Variants in NRXN1 observed in about 807,000 individuals in gnomAD.
NRXN1 encodes the protein neurexin-1.
Under a neutral mutation model 150.9 loss-of-function variants are expected in NRXN1, and 39 were observed. The ratio of observed to expected loss-of-function variants is 0.26; its 90% CI spans 0.20 to 0.34. The LOEUF is 0.34. Ranked by LOEUF, NRXN1 falls within the 10% of genes least tolerant of loss-of-function variation. The pLI is 1.00. For synonymous variants in NRXN1, 924 were observed against 757.0 expected, an observed-to-expected ratio of 1.22 and a Z score of -3.62; for missense variants, 1,815 against 1,949.9, an observed-to-expected ratio of 0.93 and a Z score of 1.30.
intron 21 of NRXN1, among the ~76,000 whole-genome samples, chr2:49,969,115 C>A (rs1362007340): frequency 6.6e-6 from 1 of 152,030 alleles, no homozygotes; most frequent in Non-Finnish European, 1.5e-5. Context: ...TAGCTTATCC[C>A]CGGCCAAATT....
intron 18 of NRXN1, among the ~76,000 whole-genome samples, chr2:50,176,936 A>G (rs1023193931): frequency 4.6e-5 from 7 of 152,152 alleles, no homozygotes; most frequent in African/African-American, 1.7e-4. Flanking sequence ...CCACACATAA[A>G]AAGAAAGGGA....
At chr2:50,549,565 T>C (rs1172281874) in intron 9 of NRXN1, among the ~76,000 whole-genome samples, 1 of 152,190 alleles carries the variant, frequency 6.6e-6, no homozygotes, top group East Asian at 1.9e-4. Flanking sequence ...TTATTTTCTT[T>C]CTTAGATGCA....
At chr2:50,810,927 C>T (rs1668131403) in intron 5 of NRXN1, among the ~76,000 whole-genome samples, 1 of 151,730 alleles carries the variant, frequency 6.6e-6, no homozygotes, top group Admixed American at 6.6e-5. Flanking sequence ...TTGCAGTGAG[C>T]TGAGATCACA....
At chr2:50,752,715 A>C (rs1380025506) in intron 5 of NRXN1, among the ~76,000 whole-genome samples, 1 of 151,872 alleles carries the variant, frequency 6.6e-6, no homozygotes, top group Admixed American at 6.6e-5. Context: ...TGAAAAAAAA[A>C]AAAATGTCAG....
At chr2:50,378,545 C>T (rs2080699477) in intron 17 of NRXN1, among the ~76,000 whole-genome samples, 1 of 152,104 alleles carries the variant, frequency 6.6e-6, no homozygotes, top group Non-Finnish European at 1.5e-5. Flanking sequence ...TGCTGTCCAG[C>T]ATCTTGAGAG....
At chr2:50,836,851 A>C (rs189645616) in intron 5 of NRXN1, among the ~76,000 whole-genome samples, 40 of 151,976 alleles carry the variant, frequency 2.6e-4, no homozygotes, top group African/African-American at 8.4e-4. Flanking sequence ...AAAAAAAAAA[A>C]AAAAACAGAA....
chr2:50,541,433 G>A (rs2093386567), intron 9 of NRXN1, among the ~76,000 whole-genome samples: 1 of 152,070 alleles, frequency 6.6e-6, no homozygotes, highest in South Asian at 2.1e-4. Context: ...GCTGCCAGGT[G>A]GTTTAGACAA....
At chr2:50,388,331 A>C (rs1412107127) in intron 17 of NRXN1, among the ~76,000 whole-genome samples, 2 of 152,178 alleles carry the variant, frequency 1.3e-5, no homozygotes, top group East Asian at 3.9e-4. Flanking sequence ...ATTGTTTATA[A>C]TGACCATCAA....
chr2:50,860,947 ATAAT>A, intron 5 of NRXN1, among the ~76,000 whole-genome samples: 1 of 152,220 alleles, frequency 6.6e-6, no homozygotes. Flanking sequence ...CTCTCAAAGC[ATAAT>A]TAAAAATGTG....
intron 18 of NRXN1, among the ~76,000 whole-genome samples, chr2:50,121,180 C>A (rs192738965): frequency 6.6e-6 from 1 of 152,078 alleles, no homozygotes; most frequent in South Asian, 2.1e-4. Flanking sequence ...TGCCACCAAA[C>A]CTAGCTAATT....
In NRXN1 at chr2:50,266,006, T is replaced by A. The variant is rs112638116; in HGVS notation, c.3365-29036A>T. Among the ~76,000 whole-genome samples the A allele has an allele frequency of 7.6e-3, 752 of 99,448 alleles. 4 individuals carry two copies. The highest frequency in any genetic ancestry group is 0.026 in the African/African-American group (626 of 24,450). The allele number at this position is 99,448 out of a possible 152,430, so 65.2% of individuals were successfully genotyped here. A position where few individuals can be genotyped will look rare whatever the true frequency, so the allele number is the denominator to read the frequency against. ...TTATTATTATTATTATTATTTATTT[T>A]TTTTTTTTTTGAGATAGAGTCTCAC... On this transcript the variant is annotated intron_variant, in intron 17 of 22. Transcript: ENST00000401669.
chr2:50,561,580 G>C (rs1299518412), intron 8 of NRXN1, among the ~76,000 whole-genome samples: 1 of 152,108 alleles, frequency 6.6e-6, no homozygotes, highest in African/African-American at 2.4e-5. Flanking sequence ...AAAAGAACAA[G>C]GAACAAACTC....
At chr2:50,644,553 T>C (rs1684525843) in intron 5 of NRXN1, among the ~76,000 whole-genome samples, 2 of 151,600 alleles carry the variant, frequency 1.3e-5, no homozygotes, top group Admixed American at 1.3e-4. Flanking sequence ...TACATCCTGA[T>C]GGACGGCTAT....
chr2:50,795,249 A>G (rs935362896), intron 5 of NRXN1, among the ~76,000 whole-genome samples: 2 of 152,074 alleles, frequency 1.3e-5, no homozygotes, highest in Non-Finnish European at 2.9e-5. Flanking sequence ...CCACATTTAC[A>G]TTTTAACAAG....
chr2:50,194,664 T>C (rs1018217767), intron 18 of NRXN1, among the ~76,000 whole-genome samples: 1 of 152,154 alleles, frequency 6.6e-6, no homozygotes. Context: ...ATAAGTTACT[T>C]AAACTCTCTG....
chr2:50,029,267 T>C (rs774942687), intron 21 of NRXN1, among the ~76,000 whole-genome samples: 13 of 152,120 alleles, frequency 8.5e-5, no homozygotes, highest in Non-Finnish European at 1.6e-4. Flanking sequence ...GCCTCCAGCA[T>C]TGTGAGAAAT....
At chr2:50,488,171 C>A (rs1452723647) in intron 15 of NRXN1, among the ~76,000 whole-genome samples, 1 of 152,126 alleles carries the variant, frequency 6.6e-6, no homozygotes, top group Non-Finnish European at 1.5e-5. Context: ...ACTTTTTGAG[C>A]CTTTGATATC....
At position 50,113,630 on chromosome 2, in the gene NRXN1, T is replaced by C. The variant is rs530042351; in HGVS notation, c.3547-22136A>G. Among the ~76,000 whole-genome samples the C allele has an allele frequency of 2.4e-4, 37 of 152,312 alleles. No homozygotes were observed. In the Middle Eastern group the frequency reaches 0.01, roughly 42 times the overall value. On this transcript the variant is annotated intron_variant, in intron 18 of 22. Coordinates refer to ENST00000401669, the MANE Select transcript of NRXN1 (RefSeq NM_001330078.2). ...TTGATCTATCTACAACCCCTTCAAC[T>C]GTAAAAAGCATATGGAAAATGTATG...
At chr2:50,218,561 A>T (rs1173543949) in intron 18 of NRXN1, among the ~76,000 whole-genome samples, 2 of 148,446 alleles carry the variant, frequency 1.3e-5, no homozygotes, top group African/African-American at 5.0e-5. Flanking sequence ...CACAGTGATT[A>T]TAGCCCCCTC....
Sources: allele counts gnomAD v4.1 joint callset (sites outside exome capture counted in the v4.1 genomes callset), GRCh38; gene constraint gnomAD v4.1.1; transcripts MANE v1.5; gene names NCBI Gene and HGNC (gene_info 2026-07-23, HGNC 2026-07-21).